The following NMT1 variants were observed in gnomAD, a reference collection of about 807,000 sequenced individuals.
NMT1 encodes the protein glycylpeptide N-tetradecanoyltransferase 1.
In NMT1, 12 loss-of-function variants were observed where a neutral mutation model predicts 63.4. The ratio of observed to expected loss-of-function variants is 0.19; its 90% CI spans 0.12 to 0.31. NMT1 has a LOEUF of 0.31. Ranked by LOEUF, NMT1 falls within the 10% of genes least tolerant of loss-of-function variation. The pLI is 1.00. For synonymous variants in NMT1, 228 were observed against 234.3 expected, an observed-to-expected ratio of 0.97 and a Z score of 0.25; for missense variants, 432 against 634.6, an observed-to-expected ratio of 0.68 and a Z score of 3.43.
At chr17:45,075,844 CAGATCACCTGAAGTCAGG>C (rs2053974086) in intron 1 of NMT1, among the ~76,000 whole-genome samples, 1 of 151,938 alleles carries the variant, frequency 6.6e-6, no homozygotes, top group South Asian at 2.1e-4. Context: ...CTGAGGCAGG[CAGATCACCTGAAGTCAGG>C]AGTTCAAGAC....
intron 1 of NMT1, among the ~76,000 whole-genome samples, chr17:45,079,950 G>A (rs2054004245): frequency 6.6e-6 from 1 of 152,060 alleles, no homozygotes. Flanking sequence ...CGCCCGCCTC[G>A]GCCTCCCAAA....
Position 45,104,966 on chromosome 17 carries a change from T to C in NMT1, c.1440T>C (p.Asn480=), listed in dbSNP as rs373214072. 26 of 1,613,928 alleles carry C rather than the reference T, an allele frequency of 1.6e-5. No homozygotes were observed. Among genetic ancestry groups the C allele is most frequent in the Non-Finnish European group, 5.9e-6 (7 of 1,180,000 alleles). ...GDGNLQYYLY[N]WKCPSMGAEK... The stretch of plus-strand genomic sequence containing the variant: ...GCAACCTGCAGTATTACCTTTACAA[T>C]TGGAAATGCCCCAGCATGGGGGCAG... Residue 480 remains asparagine (N), a synonymous_variant, in exon 11 of 12, where the codon AAT becomes AAC. Coordinates refer to ENST00000258960, the MANE Select transcript of NMT1 (RefSeq NM_021079.5). This position sits in a 1 kb window ranked among gnomAD's most constrained non-coding sequence, Gnocchi z 4.2.
chr17:45,094,221 G>C (rs1425399108), intron 4 of NMT1, among the ~76,000 whole-genome samples: 2 of 151,962 alleles, frequency 1.3e-5, no homozygotes, highest in Non-Finnish European at 2.9e-5. Context: ...GTCGCCGGGC[G>C]TGGTGGCTCA....
rs183596398 is a variant in NMT1 at position 45,096,182 on chromosome 17, A to C, written c.505-12A>C. The C allele has an allele frequency of 1.0e-4, 165 of 1,605,406 alleles. 1 individual carries two copies. In the East Asian group the frequency reaches 3.5e-3, roughly 34 times the overall value. ...CAGAATACCTCCAAGTGAGCTGCTT[A>C]TTTCTTTACAGCTAAAAGAACTGTA... On this transcript the variant is annotated splice_polypyrimidine_tract_variant and intron_variant, in intron 4 of 11. Transcript: ENST00000258960.
intron 1 of NMT1, 88 bp from the exon 2 acceptor site, chr17:45,081,556 G>A: frequency 3.5e-6 from 4 of 1,157,146 alleles, no homozygotes; most frequent in Non-Finnish European, 5.0e-6. Flanking sequence ...GATTAAGGAA[G>A]GTCTGGCTCC....
chr17:45,103,926 G>A lies in NMT1; in HGVS notation c.1332+50G>A, dbSNP rs766705216. ...TGGAGATGTGCAGGGAAGAGGCAGT[G>A]GAGCCATGGTGAGCACAGCTCCCGG... On this transcript the variant is annotated intron_variant, in intron 10 of 11. Transcript: ENST00000258960. The surrounding 1 kb of genome is among the most constrained non-coding windows in gnomAD (Gnocchi z 4.8). 6.3e-5 allele frequency: 102 copies of A among 1,607,110 alleles called. No homozygotes were observed. Among genetic ancestry groups the A allele is most frequent in the Non-Finnish European group, 8.6e-5 (101 of 1,179,922 alleles).
chr17:45,096,328 T>A, intron 5 of NMT1, 43 bp downstream of exon 5: 1 of 1,500,800 alleles, frequency 6.7e-7, no homozygotes, highest in Non-Finnish European at 9.3e-7. Context: ...GAGGAAGGCA[T>A]AGAGCAGATC....
intron 8 of NMT1, among the ~76,000 whole-genome samples, chr17:45,100,984 A>G (rs1250281315): frequency 2.0e-5 from 3 of 149,092 alleles, no homozygotes; most frequent in Non-Finnish European, 4.4e-5. Context: ...GATCGAGACC[A>G]TCCTGGCTAA....
rs1172542166 is a variant in NMT1, at chr17:45,070,919, T to G, written c.131+9459T>G. On this transcript the variant is annotated intron_variant, in intron 1 of 11. Transcript: ENST00000258960. ...CCATCATTTGGGATTCACAAGCAGT[T>G]TTTGATATAACTAATTGGTGGGAAT... 3.3e-5 allele frequency among the ~76,000 whole-genome samples: 5 copies of G among 152,328 alleles called. No individual in the cohort carries two copies. The East Asian group carries it at 7.7e-4, about 24-fold the overall frequency.
chr17:45,077,009 A>G (rs1306547295), intron 1 of NMT1, among the ~76,000 whole-genome samples: 1 of 152,242 alleles, frequency 6.6e-6, no homozygotes, highest in African/African-American at 2.4e-5. Flanking sequence ...GGTGATAGCT[A>G]CATGGAAGTA....
Position 45,099,894 on chromosome 17 carries a change from C to T in NMT1, c.993+381C>T, listed in dbSNP as rs139062147. ...CGCAGATGCACTACAGGGTCTGTGA[C>T]GCCCCTCTGCCGGGTCAGGTAAAGG... On this transcript the variant is annotated intron_variant, in intron 8 of 11. Transcript: ENST00000258960. 3.6e-3 allele frequency: 616 copies of T among 171,928 alleles called. 28 individuals carry two copies. In the South Asian group the frequency reaches 0.074, roughly 21 times the overall value. 10.7% of individuals were successfully genotyped at this position (171,928 alleles called of 1,614,324 possible).
At chr17:45,096,908 C>T (rs1172201359) in intron 5 of NMT1, among the ~76,000 whole-genome samples, 3 of 152,228 alleles carry the variant, frequency 2.0e-5, no homozygotes, top group Non-Finnish European at 4.4e-5. Flanking sequence ...AGTATGATAA[C>T]CTTGGGTTGG....
At chr17:45,066,678 GT>G (rs1257625860) in intron 1 of NMT1, among the ~76,000 whole-genome samples, 1 of 151,874 alleles carries the variant, frequency 6.6e-6, no homozygotes, top group Non-Finnish European at 1.5e-5. Flanking sequence ...CGTCTCTTCA[GT>G]TTTTCTATTT....
In NMT1 at chr17:45,071,893, C is replaced by T. The variant is rs541153476; in HGVS notation, c.132-9751C>T. ...GGACTACAAGTTCACACCACCACAC[C>T]TGGCTGGACCTGTTTTAGCTTCTCA... On this transcript the variant is annotated intron_variant, in intron 1 of 11. Transcript: ENST00000258960. Among the ~76,000 whole-genome samples the T allele has an allele frequency of 3.3e-4, 51 of 152,280 alleles. 3 individuals carry two copies. The South Asian group carries it at 6.2e-3, about 19-fold the overall frequency.
At position 45,108,242 on chromosome 17, in the gene NMT1, G is replaced by A. The variant is rs1229489407; in HGVS notation, c.*2603G>A. The A allele has an allele frequency of 1.3e-5, 2 of 152,414 alleles. No individual in the cohort carries two copies. Among genetic ancestry groups the A allele is most frequent in the African/African-American group, 2.4e-5 (1 of 41,460 alleles). The allele number at this position is 152,414 out of a possible 1,614,324, so 9.4% of individuals were successfully genotyped here. On this transcript the variant is annotated 3_prime_UTR_variant, in exon 12 of 12. Transcript: ENST00000258960. Reference sequence around the variant, plus strand: ...AGACGACCTTTACCTCCTGCCTTTGGATTGACTCTGCATTTGACCACGGAC... The same window carrying A: ...AGACGACCTTTACCTCCTGCCTTTGAATTGACTCTGCATTTGACCACGGAC...
chr17:45,092,056 A>G (rs943682397), intron 3 of NMT1, among the ~76,000 whole-genome samples: 10 of 152,128 alleles, frequency 6.6e-5, no homozygotes, highest in African/African-American at 2.4e-4. Flanking sequence ...GAAGAAAAAT[A>G]TGACCTCTCT....
intron 3 of NMT1, among the ~76,000 whole-genome samples, chr17:45,089,736 TCAAGCAATCCTCCCACCTTAGCCTCCTGA>T (rs2054076373): frequency 6.6e-6 from 1 of 152,074 alleles, no homozygotes; most frequent in African/African-American, 2.4e-5. Context: ...TCTCCTGGGC[TCAAGCAATCCTCCCACCTTAGCCTCCTGA>T]GTAGCTGGGA....
intron 1 of NMT1, among the ~76,000 whole-genome samples, chr17:45,063,507 C>CTTTTTTTTTTTT (rs1555604063): frequency 3.3e-5 from 5 of 151,304 alleles, no homozygotes; most frequent in Non-Finnish European, 5.9e-5. Flanking sequence ...TTTGTAGTTG[C>CTTTTTTTTTTTT]TTTTATTTTT....
chr17:45,096,190 A>C lies in NMT1; in HGVS notation c.505-4A>C. 1 of 1,608,052 alleles carries C rather than the reference A, an allele frequency of 6.2e-7. No individual in the cohort carries two copies. Among genetic ancestry groups the C allele is most frequent in the East Asian group, 2.2e-5 (1 of 44,870 alleles). ...CTCCAAGTGAGCTGCTTATTTCTTT[A>C]CAGCTAAAAGAACTGTACACCCTCC... is the stretch of plus-strand genomic sequence containing the variant. On this transcript the variant is annotated splice_polypyrimidine_tract_variant and splice_region_variant and intron_variant, in intron 4 of 11. Transcript: ENST00000258960.
Sources: allele counts gnomAD v4.1 joint callset (sites outside exome capture counted in the v4.1 genomes callset), GRCh38; gene constraint gnomAD v4.1.1; non-coding constraint Gnocchi (gnomAD v3.1); transcripts MANE v1.5; gene names NCBI Gene and HGNC (gene_info 2026-07-23, HGNC 2026-07-21).